TET3: variants seen among roughly 807,000 people sequenced by gnomAD.
TET3 encodes the protein tet methylcytosine dioxygenase 3.
TET3 carries 19 observed loss-of-function variants against 141.4 expected under a neutral mutation model. The ratio of observed to expected loss-of-function variants is 0.13; its 90% confidence interval spans 0.09 to 0.20. The LOEUF (loss-of-function observed/expected upper bound fraction) is 0.20, where lower values mean the gene tolerates loss of function less well. Among genes scored for constraint, TET3 ranks in the 10% least tolerant of loss-of-function variants. The pLI, the probability that TET3 is intolerant of heterozygous loss-of-function variation, is 1.00. For missense variants in TET3, 1,874 were observed against 2,356.9 expected, an observed-to-expected ratio of 0.80 and a Z score of 4.24; for synonymous variants, 1,043 against 980.9, an observed-to-expected ratio of 1.06 and a Z score of -1.18.
At chr2:74,028,713 A>G (rs554583962) in intron 3 of TET3, among the ~76,000 whole-genome samples, 3 of 152,342 alleles carry the variant, frequency 2.0e-5, no homozygotes, top group Admixed American at 6.5e-5. Context: ...GTTATCTTCA[A>G]AATTTCTGGT....
At chr2:74,062,672 A>C (rs747238189) in intron 4 of TET3, among the ~76,000 whole-genome samples, 23 of 152,220 alleles carry the variant, frequency 1.5e-4, no homozygotes, top group Non-Finnish European at 2.5e-4. Context: ...AATCTGCAGC[A>C]AACGAGGAAG....
the TET3 span, among the ~76,000 whole-genome samples, chr2:74,119,345 T>C: frequency 7.4e-6 from 1 of 134,970 alleles, no homozygotes; most frequent in African/African-American, 3.2e-5. Context: ...AGAGTGAGAC[T>C]CTATCTCAAA....
chr2:74,099,730 G>T lies in TET3; in HGVS notation c.3604+118G>T, dbSNP rs561419685. ...AACTGGGGCCTCTGCTTAATTGTCA[G>T]TCAGAAGGGTATCTGCAGCAGCCAC... On this transcript the variant is annotated intron_variant, in intron 11 of 11. Coordinates refer to ENST00000409262, the MANE Select transcript of TET3 (RefSeq NM_001287491.2). 18 of 1,097,650 alleles carry T rather than the reference G, an allele frequency of 1.6e-5. No individual in the cohort carries two copies. The East Asian group carries it at 4.4e-4, about 27-fold the overall frequency. 68.0% of individuals were successfully genotyped at this position (1,097,650 alleles called of 1,614,324 possible). A position where few individuals can be genotyped will look rare whatever the true frequency, so the allele number is the denominator to read the frequency against.
In TET3 at chr2:74,108,053, C is replaced by G. The variant is rs933497767; in HGVS notation, c.*5877C>G. On this transcript the variant is annotated 3_prime_UTR_variant, in exon 12 of 12. Transcript: ENST00000409262. ...TGCCTAGAAATTGCAAGTATGTATC[C>G]TTTTTGATTTGTATTTTATTATAAT... 1 of 153,534 alleles carries G rather than the reference C, an allele frequency of 6.5e-6. No homozygotes were observed. The highest frequency in any genetic ancestry group is 1.9e-4 in the East Asian group (1 of 5,192). The allele number at this position is 153,534 out of a possible 1,614,324, so 9.5% of individuals were successfully genotyped here.
intron 5 of TET3, among the ~76,000 whole-genome samples, chr2:74,079,801 G>T (rs1366032361): frequency 6.6e-6 from 1 of 152,186 alleles, no homozygotes; most frequent in African/African-American, 2.4e-5. Context: ...CCTCTTTGTA[G>T]TTGTGTGGCC....
Position 73,986,493 on chromosome 2 carries a change from C to G in TET3, c.90C>G (p.Phe30Leu), listed in dbSNP as rs1684032955. The change falls in exon 2 of 12, where the codon TTC becomes TTG. Residue 30 changes from phenylalanine (F) to leucine (L), a missense_variant. By Grantham distance (22) the Phe-to-Leu change is conservative. This residue lies in a region of TET3 where 366 missense variants were observed against 487.0 expected (regional missense o/e 0.75). Coordinates refer to ENST00000409262, the MANE Select transcript of TET3 (RefSeq NM_001287491.2). ...FPQRQVMVGSFPGSGLSMAGS... is the reference protein window; with the variant it reads ...FPQRQVMVGSLPGSGLSMAGS... ...AGCGCCAGGTGATGGTAGGGAGCTT[C>G]CCGGGGTCTGGGCTCTCCATGGCTG... is the stretch of plus-strand genomic sequence containing the variant. The G allele has an allele frequency of 8.1e-6, 10 of 1,232,198 alleles. No homozygotes were observed. Among genetic ancestry groups the G allele is most frequent in the Non-Finnish European group, 1.0e-5 (10 of 988,038 alleles). 76.3% of individuals were successfully genotyped at this position (1,232,198 alleles called of 1,614,324 possible).
At chr2:74,131,248 A>G in the TET3 span, among the ~76,000 whole-genome samples, 1 of 151,824 alleles carries the variant, frequency 6.6e-6, no homozygotes, top group African/African-American at 2.4e-5. Flanking sequence ...TCTTGCCACA[A>G]CCCTTCATTC....
At chr2:74,000,373 T>C (rs1452157314) in intron 2 of TET3, among the ~76,000 whole-genome samples, 1 of 152,138 alleles carries the variant, frequency 6.6e-6, no homozygotes, top group Non-Finnish European at 1.5e-5. Flanking sequence ...TGTAAATAAA[T>C]AACTGCACTT....
the TET3 span, among the ~76,000 whole-genome samples, chr2:74,124,933 A>AAG: frequency 1.1e-4 from 16 of 151,980 alleles, no homozygotes; most frequent in African/African-American, 3.6e-4. Context: ...AATACTAAAA[A>AAG]AAAAAAAGAA....
At chr2:74,067,056 C>G (rs1688944508) in intron 4 of TET3, among the ~76,000 whole-genome samples, 2 of 152,102 alleles carry the variant, frequency 1.3e-5, no homozygotes, top group South Asian at 4.1e-4. Context: ...AGCTTTCAGA[C>G]CACTGCCTCC....
rs1691334275 is a variant in TET3 at position 74,103,318 on chromosome 2, C to T, written c.*1142C>T. 2 of 152,538 alleles carry T rather than the reference C, an allele frequency of 1.3e-5. No homozygotes were observed. Among genetic ancestry groups the T allele is most frequent in the African/African-American group, 4.8e-5 (2 of 41,428 alleles). 9.4% of individuals were successfully genotyped at this position (152,538 alleles called of 1,614,324 possible). A position where few individuals can be genotyped will look rare whatever the true frequency, so the allele number is the denominator to read the frequency against. ...TGCTGGGACTTTCTTGACTCTTGGG[C>T]AGGTCACATCCTACAGGAGCTCAGC... is the stretch of plus-strand genomic sequence containing the variant. On this transcript the variant is annotated 3_prime_UTR_variant, in exon 12 of 12. Transcript: ENST00000409262.
the TET3 span, among the ~76,000 whole-genome samples, chr2:74,116,759 T>A: frequency 1.5e-4 from 22 of 150,138 alleles, no homozygotes; most frequent in Non-Finnish European, 2.7e-4. Flanking sequence ...TTTAAAAAAA[T>A]TAAAAGAACA....
chr2:74,039,422 T>G (rs915003491), intron 3 of TET3, among the ~76,000 whole-genome samples: 1 of 152,214 alleles, frequency 6.6e-6, no homozygotes, highest in Non-Finnish European at 1.5e-5. Context: ...AGATACTGCT[T>G]TCACAGCACT....
the TET3 span, among the ~76,000 whole-genome samples, chr2:74,120,181 A>C: frequency 0.22 from 33,595 of 152,030 alleles, 4,355 homozygotes; most frequent in East Asian, 0.49. Context: ...TCCCGGGGGA[A>C]CTCCATTCTA....
chr2:73,990,676 ATACT>A (rs1480745857), intron 2 of TET3, among the ~76,000 whole-genome samples: 2 of 152,334 alleles, frequency 1.3e-5, no homozygotes, highest in Non-Finnish European at 2.9e-5. Flanking sequence ...TGTGATGAGA[ATACT>A]TTCTAGCCCT....
At chr2:74,011,152 C>T (rs372668665) in intron 3 of TET3, among the ~76,000 whole-genome samples, 1 of 138,288 alleles carries the variant, frequency 7.2e-6, no homozygotes, top group South Asian at 2.4e-4. Context: ...CGCTTGAACC[C>T]GGGAGGCAGA....
chr2:74,113,876 A>C, the TET3 span, among the ~76,000 whole-genome samples: 2 of 152,132 alleles, frequency 1.3e-5, no homozygotes, highest in Admixed American at 6.6e-5. Flanking sequence ...TAATAATACT[A>C]CCCAAAGCAA....
chr2:73,984,688 G>A (rs996109887), upstream of TET3, among the ~76,000 whole-genome samples: 2 of 151,900 alleles, frequency 1.3e-5, no homozygotes, highest in East Asian at 2.0e-4. The surrounding 1 kb of genome is among the most constrained non-coding windows in gnomAD (Gnocchi z 5.6). Flanking sequence ...GACCGCGTGG[G>A]TGGGAGCCAC....
chr2:74,035,876 G>T (rs1034335286), intron 3 of TET3, among the ~76,000 whole-genome samples: 2 of 152,010 alleles, frequency 1.3e-5, no homozygotes, highest in African/African-American at 4.8e-5. Flanking sequence ...AAGCAAGCTG[G>T]GTGTGATGTT....
Sources: allele counts gnomAD v4.1 joint callset (sites outside exome capture counted in the v4.1 genomes callset), GRCh38; gene constraint gnomAD v4.1.1; regional missense constraint gnomAD v4.1.1; non-coding constraint Gnocchi (gnomAD v3.1); transcripts MANE v1.5; gene names NCBI Gene and HGNC (gene_info 2026-07-23, HGNC 2026-07-21).